UBQLN1: variants seen among roughly 807,000 people sequenced by gnomAD.
UBQLN1 encodes the protein ubiquilin 1, also known as ubiquilin-1.
In UBQLN1, 13 loss-of-function variants were observed where a neutral mutation model predicts 65.4. The ratio of observed to expected loss-of-function variants is 0.20; its 90% confidence interval spans 0.13 to 0.32. UBQLN1 has a LOEUF of 0.32. Among genes scored for constraint, UBQLN1 ranks in the 10% least tolerant of loss-of-function variants. UBQLN1 has a pLI of 1.00. For missense variants in UBQLN1, 561 were observed against 724.0 expected (o/e 0.77, Z 2.58); for synonymous variants, 267 against 247.8 (o/e 1.08, Z -0.73).
chr9:83,661,630 C>T lies in UBQLN1; in HGVS notation c.*157G>A. ...CAGAAAAGAAAAATACAGAAAAACCCACACATCTTACTGTACTCCACCTTA... is the reference window on the plus strand; with the variant it reads ...CAGAAAAGAAAAATACAGAAAAACCTACACATCTTACTGTACTCCACCTTA... On this transcript the variant is annotated 3_prime_UTR_variant, in exon 11 of 11. Coordinates refer to ENST00000376395, the MANE Select transcript of UBQLN1 (RefSeq NM_013438.5). The T allele has an allele frequency of 1.5e-6, 1 of 682,464 alleles. No homozygotes were observed. The highest frequency in any genetic ancestry group is 2.2e-6 in the Non-Finnish European group (1 of 454,812). The allele number at this position is 682,464 out of a possible 1,614,324, so 42.3% of individuals were successfully genotyped here.
At chr9:83,673,003 G>T (rs568860165) in intron 6 of UBQLN1, among the ~76,000 whole-genome samples, 49 of 152,280 alleles carry the variant, frequency 3.2e-4, no homozygotes, top group African/African-American at 1.1e-3. Context: ...ACGCTGAGGC[G>T]GGTGGATCAT....
intron 7 of UBQLN1, chr9:83,667,521 C>A (rs1831661234): frequency 1.0e-6 from 1 of 985,378 alleles, no homozygotes. Context: ...CAGGAACATA[C>A]AGTATTTATT....
At position 83,667,514 on chromosome 9, in the gene UBQLN1, G is replaced by T. The variant is rs1046483793; in HGVS notation, c.1249-1081C>A. 9 of 985,230 alleles carry T rather than the reference G, an allele frequency of 9.1e-6. No homozygotes were observed. The African/African-American group carries it at 1.4e-4, about 15-fold the overall frequency. 61.0% of individuals were successfully genotyped at this position (985,230 alleles called of 1,614,324 possible). A position where few individuals can be genotyped will look rare whatever the true frequency, so the allele number is the denominator to read the frequency against. Reference sequence around the variant, plus strand: ...AAGCAGATGTCAGACAACCTTTCAGGAACATACAGTATTTATTTCAAAGTG... The same window carrying T: ...AAGCAGATGTCAGACAACCTTTCAGTAACATACAGTATTTATTTCAAAGTG... On this transcript the variant is annotated intron_variant, in intron 7 of 10. Coordinates refer to ENST00000376395, the MANE Select transcript of UBQLN1 (RefSeq NM_013438.5).
chr9:83,683,164 G>C (rs1221010292), intron 2 of UBQLN1, 98 bp from the exon 3 acceptor site: 5 of 750,520 alleles, frequency 6.7e-6, no homozygotes, highest in Non-Finnish European at 1.1e-5. Context: ...TGTAATCCCA[G>C]CACTTTGGGA....
At chr9:83,668,550 A>G in intron 7 of UBQLN1, 4 of 985,484 alleles carry the variant, frequency 4.1e-6, no homozygotes, top group Non-Finnish European at 4.8e-6. Flanking sequence ...GGCCCCAACC[A>G]TCGGTACTGT....
intron 1 of UBQLN1, among the ~76,000 whole-genome samples, chr9:83,698,157 T>C (rs1832251371): frequency 6.6e-6 from 1 of 152,124 alleles, no homozygotes; most frequent in Admixed American, 6.5e-5. Context: ...TATTGGCCAT[T>C]ATGTCATTGT....
chr9:83,707,279 C>A (rs935360096), intron 1 of UBQLN1, among the ~76,000 whole-genome samples: 13 of 152,176 alleles, frequency 8.5e-5, no homozygotes, highest in Non-Finnish European at 4.4e-5. Context: ...AGAAAAGCGG[C>A]ATCAGCCCGT....
At chr9:83,665,294 C>A (rs1831626295) in intron 8 of UBQLN1, 149 bp from the exon 9 acceptor site, 1 of 510,448 alleles carries the variant, frequency 2.0e-6, no homozygotes. Context: ...AAAATAAACG[C>A]AAGTATCTCC....
intron 1 of UBQLN1, among the ~76,000 whole-genome samples, chr9:83,698,677 G>A (rs1181753797): frequency 6.6e-6 from 1 of 152,150 alleles, no homozygotes; most frequent in Non-Finnish European, 1.5e-5. Flanking sequence ...CATTTTGGGA[G>A]ACCAAGGGGG....
intron 6 of UBQLN1, among the ~76,000 whole-genome samples, chr9:83,674,363 C>A (rs913210961): frequency 1.3e-5 from 2 of 152,036 alleles, no homozygotes; most frequent in Admixed American, 1.3e-4. Context: ...TAAGCACTGC[C>A]GGACCAACCA....
chr9:83,707,613 C>A lies in UBQLN1; in HGVS notation c.67G>T (p.Ala23Ser). 6.3e-7 allele frequency: 1 copy of A among 1,592,504 alleles called. No individual in the cohort carries two copies. The highest frequency in any genetic ancestry group is 8.5e-7 in the Non-Finnish European group (1 of 1,170,060). The change falls in exon 1 of 11, where the codon GCT (alanine) becomes TCT (serine). Residue 23 changes from alanine to serine, a missense_variant. Around this residue, in one of 8 missense-constraint regions of UBQLN1, gnomAD observed 101 missense variants for 104.9 expected, o/e 0.96. Coordinates refer to ENST00000376395, the MANE Select transcript of UBQLN1 (RefSeq NM_013438.5). ...GAGGCAGCGGCCGCGGGGGCGCCAG[C>A]ACCTTCGGCTCCGGCGGCGCTATCC... Reference protein sequence around the residue: ...SQDSAAGAEGAGAPAAAASAE... With the variant: ...SQDSAAGAEGSGAPAAAASAE...
At chr9:83,663,734 T>C in intron 10 of UBQLN1, 141 bp downstream of exon 10, 1 of 833,308 alleles carries the variant, frequency 1.2e-6, no homozygotes, top group Admixed American at 3.5e-5. Context: ...TCTTACTCAA[T>C]ATCCTTAAGA....
chr9:83,685,457 T>C (rs901715231), intron 2 of UBQLN1, among the ~76,000 whole-genome samples: 1 of 152,142 alleles, frequency 6.6e-6, no homozygotes, highest in African/African-American at 2.4e-5. Flanking sequence ...CAAGAAAACA[T>C]CAATTCAGTT....
chr9:83,695,213 T>TTC (rs1832191087), intron 1 of UBQLN1, among the ~76,000 whole-genome samples: 1 of 151,434 alleles, frequency 6.6e-6, no homozygotes, highest in African/African-American at 2.4e-5. Flanking sequence ...TTTTTTTTTT[T>TTC]TTTGAGACTA....
chr9:83,698,799 G>A (rs1248646465), intron 1 of UBQLN1, among the ~76,000 whole-genome samples: 1 of 151,966 alleles, frequency 6.6e-6, no homozygotes, highest in African/African-American at 2.4e-5. Flanking sequence ...TGCAGTCCCA[G>A]CTACTTGGGG....
chr9:83,665,545 T>C (rs951591253), intron 8 of UBQLN1, among the ~76,000 whole-genome samples: 2 of 152,196 alleles, frequency 1.3e-5, no homozygotes, highest in Non-Finnish European at 2.9e-5. Flanking sequence ...GTTACTAATA[T>C]AACAATTTTA....
intron 1 of UBQLN1, among the ~76,000 whole-genome samples, chr9:83,705,245 C>CTTTTTTTT (rs1564175219): frequency 1.2e-4 from 5 of 40,044 alleles, no homozygotes; most frequent in African/African-American, 1.0e-3. Flanking sequence ...AGCCAGCACT[C>CTTTTTTTT]CTTTTTTTTT....
intron 10 of UBQLN1, among the ~76,000 whole-genome samples, chr9:83,663,358 A>G (rs1831592193): frequency 6.6e-6 from 1 of 152,124 alleles, no homozygotes; most frequent in Non-Finnish European, 1.5e-5. Context: ...ATGCAACCAC[A>G]TTATTAGGGG....
chr9:83,678,446 C>G lies in UBQLN1; in HGVS notation c.865G>C (p.Glu289Gln), dbSNP rs146037689. The G allele has an allele frequency of 6.2e-6, 10 of 1,609,912 alleles. No homozygotes were observed. Among genetic ancestry groups the G allele is most frequent in the Non-Finnish European group, 8.5e-6 (10 of 1,178,652 alleles). The change falls in exon 5 of 11, where the codon GAG becomes CAG. Residue 289 changes from glutamate to glutamine, a missense_variant. By Grantham distance (29) the Glu-to-Gln change is conservative. Coordinates refer to ENST00000376395, the MANE Select transcript of UBQLN1 (RefSeq NM_013438.5). ...IQEPMLSAAQEQFGGNPFASL... is the reference protein window; with the variant it reads ...IQEPMLSAAQQQFGGNPFASL... ...CCTTGGAGCCAGTGGATCACCTGCTCTTGTGCAGCACTCAGCATTGGTTCC... is the reference window on the plus strand; with the variant it reads ...CCTTGGAGCCAGTGGATCACCTGCTGTTGTGCAGCACTCAGCATTGGTTCC...
Sources: gnomAD v4.1 joint callset for allele counts (sites outside exome capture counted in the v4.1 genomes callset) on GRCh38, gnomAD v4.1.1 for gene constraint, gnomAD v4.1.1 regional missense constraint, MANE v1.5 for transcripts, NCBI Gene and HGNC (gene_info 2026-07-23, HGNC 2026-07-21) for gene names.